The following THSD4 variants were observed in gnomAD, a reference collection of about 807,000 sequenced individuals.
THSD4 encodes the protein thrombospondin type-1 domain-containing protein 4.
A neutral mutation model predicts 119.0 loss-of-function variants in THSD4; 69 were observed. That is an observed-to-expected ratio of 0.58 (90% CI 0.48 to 0.71). THSD4 has a LOEUF of 0.71. Ranked by LOEUF, THSD4 falls within the 30% of genes least tolerant of loss-of-function variation. The pLI is 0.00. For missense variants in THSD4, 1,393 were observed against 1,391.1 expected (o/e 1.00, Z -0.02); for synonymous variants, 524 against 540.4 (o/e 0.97, Z 0.42).
chr15:71,154,869 G>A lies in THSD4; in HGVS notation c.36G>A (p.Leu12=). 6.2e-7 allele frequency: 1 copy of A among 1,614,112 alleles called. No homozygotes were observed. Among genetic ancestry groups the A allele is most frequent in the South Asian group, 1.1e-5 (1 of 91,068 alleles). ...VSHFMGSLSV[L]CFLLLLGFQF... ...TGCTATTTTCCCTTTTCAGTGTCCT[G>A]TGTTTCCTTCTGCTGCTTGGATTCC... Residue 12 remains leucine, a synonymous_variant, in exon 3 of 18, where the codon CTG becomes CTA. Coordinates refer to ENST00000261862, the MANE Select transcript of THSD4 (RefSeq NM_024817.3).
intron 7 of THSD4, among the ~76,000 whole-genome samples, chr15:71,514,067 A>C (rs2048320302): frequency 6.6e-6 from 1 of 152,198 alleles, no homozygotes; most frequent in Non-Finnish European, 1.5e-5. Context: ...TACTTGCTTA[A>C]GTAAATGGGT....
At chr15:71,766,030 A>C (rs1185524316) in intron 16 of THSD4, among the ~76,000 whole-genome samples, 1 of 151,930 alleles carries the variant, frequency 6.6e-6, no homozygotes, top group Admixed American at 6.6e-5. Flanking sequence ...TAGTTTTCTC[A>C]CTTTTTTAAA....
At chr15:71,306,368 TTC>T (rs145855797) in intron 6 of THSD4, among the ~76,000 whole-genome samples, 215 of 150,930 alleles carry the variant, frequency 1.4e-3, no homozygotes, top group African/African-American at 4.8e-3. Context: ...TTTTGATGCC[TTC>T]TCTTATGGCC....
At position 71,377,867 on chromosome 15, in the gene THSD4, A is replaced by AACACACACACACACACACACAC. The variant is rs376497737; in HGVS notation, c.1016-33794_1016-33773dup. On this transcript the variant is annotated intron_variant, in intron 6 of 17. Coordinates refer to ENST00000261862, the MANE Select transcript of THSD4 (RefSeq NM_024817.3). ...CTTCTCTATTCCCGGACATATCCACAACACACACACACACACACACACACA... is the reference window on the plus strand; with the variant it reads ...CTTCTCTATTCCCGGACATATCCACAACACACACACACACACACACACACACACACACACACACACACACACA... 1.5e-3 allele frequency among the ~76,000 whole-genome samples: 129 copies of AACACACACACACACACACACAC among 86,312 alleles called. 2 individuals carry two copies. The highest frequency in any genetic ancestry group is 5.3e-3 in the African/African-American group (123 of 23,146). 56.6% of individuals were successfully genotyped at this position (86,312 alleles called of 152,430 possible). A position where few individuals can be genotyped will look rare whatever the true frequency, so the allele number is the denominator to read the frequency against.
chr15:71,237,728 G>A (rs952600444), intron 4 of THSD4, among the ~76,000 whole-genome samples: 4 of 152,144 alleles, frequency 2.6e-5, no homozygotes, highest in Admixed American at 1.3e-4. Context: ...ACAGAAAGGC[G>A]GGAGTTGTCA....
intron 8 of THSD4, among the ~76,000 whole-genome samples, chr15:71,689,440 G>A (rs2051997673): frequency 1.3e-5 from 2 of 152,208 alleles, no homozygotes; most frequent in Non-Finnish European, 1.5e-5. Flanking sequence ...CATATAAAGT[G>A]AGGATAAGAG....
chr15:71,533,620 A>G (rs1019082831), intron 7 of THSD4, among the ~76,000 whole-genome samples: 1 of 152,222 alleles, frequency 6.6e-6, no homozygotes, highest in African/African-American at 2.4e-5. Context: ...CGATTCTCAG[A>G]GATGGAACTG....
intron 7 of THSD4, among the ~76,000 whole-genome samples, chr15:71,437,540 A>G (rs2047028681): frequency 6.6e-6 from 1 of 152,188 alleles, no homozygotes; most frequent in African/African-American, 2.4e-5. Context: ...GCTTTGGGAG[A>G]GACAGAACAT....
intron 17 of THSD4, among the ~76,000 whole-genome samples, chr15:71,774,687 G>A (rs1240198674): frequency 6.6e-6 from 1 of 151,958 alleles, no homozygotes; most frequent in Non-Finnish European, 1.5e-5. Flanking sequence ...AGAGGCAGGA[G>A]GATCACTTGA....
intron 8 of THSD4, among the ~76,000 whole-genome samples, chr15:71,709,890 G>A (rs1356570901): frequency 1.3e-5 from 2 of 152,164 alleles, no homozygotes; most frequent in Non-Finnish European, 2.9e-5. Flanking sequence ...TCAGGTGCTT[G>A]CCATGGGCAG....
intron 5 of THSD4, among the ~76,000 whole-genome samples, chr15:71,254,672 T>C (rs1237964574): frequency 6.6e-6 from 1 of 152,244 alleles, no homozygotes; most frequent in African/African-American, 2.4e-5. Flanking sequence ...ACTTGAACTC[T>C]GGCTCAGGCC....
intron 7 of THSD4, among the ~76,000 whole-genome samples, chr15:71,572,196 C>A (rs1186046884): frequency 6.6e-6 from 1 of 152,172 alleles, no homozygotes; most frequent in Non-Finnish European, 1.5e-5. Context: ...TATTTATCCT[C>A]AACCCTTGCC....
At chr15:71,708,364 C>T (rs764755341) in intron 8 of THSD4, among the ~76,000 whole-genome samples, 4 of 152,208 alleles carry the variant, frequency 2.6e-5, no homozygotes, top group South Asian at 2.1e-4. Flanking sequence ...GGACCTACCA[C>T]GCCCAGTGCC....
chr15:71,709,162 G>T (rs545580564), intron 8 of THSD4, among the ~76,000 whole-genome samples: 1 of 152,300 alleles, frequency 6.6e-6, no homozygotes, highest in Non-Finnish European at 1.5e-5. Context: ...TTGGAATAAG[G>T]ACAGCCAGGG....
chr15:71,201,085 G>T lies in THSD4; in HGVS notation c.100-13950G>T, dbSNP rs141349590. Among the ~76,000 whole-genome samples the T allele has an allele frequency of 2.0e-5, 3 of 152,242 alleles. No individual in the cohort carries two copies. In the East Asian group the frequency reaches 5.8e-4, roughly 29 times the overall value. On this transcript the variant is annotated intron_variant, in intron 3 of 17. Coordinates refer to ENST00000261862, the MANE Select transcript of THSD4 (RefSeq NM_024817.3). ...ACCCCCAGTGCCGACTTCCATTAAA[G>T]TCAAGTGTCATGTGTAGCTTGAACT...
In THSD4 at chr15:71,253,205, C is replaced by T. The variant is rs142861080; in HGVS notation, c.913-3408C>T. Among the ~76,000 whole-genome samples, 514 of 152,298 alleles carry T rather than the reference C, an allele frequency of 3.4e-3. 5 individuals carry two copies. The highest frequency in any genetic ancestry group is 0.011 in the African/African-American group (469 of 41,544). ...TCTGCCTTAGATGGGAACTGGACTA[C>T]GCTTAGATGTAAATGACTTATTGGT... On this transcript the variant is annotated intron_variant, in intron 5 of 17. Transcript: ENST00000261862.
chr15:71,182,524 T>G (rs1460850643), intron 3 of THSD4, among the ~76,000 whole-genome samples: 2 of 151,760 alleles, frequency 1.3e-5, no homozygotes, highest in East Asian at 3.8e-4. Flanking sequence ...TTCCATTCCC[T>G]CCCACACTTA....
chr15:71,497,738 T>C (rs991333817), intron 7 of THSD4, among the ~76,000 whole-genome samples: 2 of 152,204 alleles, frequency 1.3e-5, no homozygotes, highest in Non-Finnish European at 2.9e-5. Flanking sequence ...CAGACCACTG[T>C]AGTCTCTGTT....
chr15:71,605,305 A>T (rs2050088447), intron 7 of THSD4, among the ~76,000 whole-genome samples: 1 of 152,188 alleles, frequency 6.6e-6, no homozygotes, highest in Non-Finnish European at 1.5e-5. Context: ...TATTATCAAA[A>T]CGTCCTGGTT....
Sources: gnomAD v4.1 joint callset for allele counts (sites outside exome capture counted in the v4.1 genomes callset) on GRCh38, gnomAD v4.1.1 for gene constraint, MANE v1.5 for transcripts, NCBI Gene and HGNC (gene_info 2026-07-23, HGNC 2026-07-21) for gene names.